The following KIDINS220 variants were observed in gnomAD, a reference collection of about 807,000 sequenced individuals.
KIDINS220 encodes the protein kinase D interacting substrate 220.
In KIDINS220, 63 loss-of-function variants were observed where a neutral mutation model predicts 157.6. The observed-to-expected ratio is 0.40, with a 90% confidence interval of 0.33 to 0.49. The LOEUF is 0.49. Among genes scored for constraint, KIDINS220 ranks in the 20% least tolerant of loss-of-function variants. The pLI is 0.66. For synonymous variants in KIDINS220, 732 were observed against 783.6 expected (o/e 0.93, Z 1.10); for missense variants, 1,772 against 2,171.2 (o/e 0.82, Z 3.65).
At chr2:8,811,980 A>G (rs1359488433) in intron 6 of KIDINS220, among the ~76,000 whole-genome samples, 1 of 152,210 alleles carries the variant, frequency 6.6e-6, no homozygotes, top group Non-Finnish European at 1.5e-5. Flanking sequence ...GGCAAGGCCC[A>G]TCTTCACCCA....
intron 17 of KIDINS220, among the ~76,000 whole-genome samples, chr2:8,780,339 T>C (rs969311233): frequency 2.6e-5 from 4 of 152,198 alleles, no homozygotes; most frequent in African/African-American, 9.7e-5. Context: ...TAAAAGTCTA[T>C]TTTATAAAAA....
At chr2:8,817,039 T>C (rs1677176514) in intron 4 of KIDINS220, among the ~76,000 whole-genome samples, 1 of 152,196 alleles carries the variant, frequency 6.6e-6, no homozygotes, top group Non-Finnish European at 1.5e-5. Flanking sequence ...CCTTCTACTG[T>C]TAAAATCAAC....
Position 8,730,591 on chromosome 2 carries a change from C to A in KIDINS220, c.*129G>T. On this transcript the variant is annotated 3_prime_UTR_variant, in exon 30 of 30. Coordinates refer to ENST00000256707, the MANE Select transcript of KIDINS220 (RefSeq NM_020738.4). ...TGTCACACTGCAGATGTCTCTTTTA[C>A]CTCGGCCTCATCATCGGTTAGTTAT... 6.9e-7 allele frequency: 1 copy of A among 1,443,254 alleles called. No homozygotes were observed. The highest frequency in any genetic ancestry group is 1.5e-5 in the South Asian group (1 of 66,098). 89.4% of individuals were successfully genotyped at this position (1,443,254 alleles called of 1,614,324 possible).
Position 8,747,171 on chromosome 2 carries a change from G to A in KIDINS220, c.3559C>T (p.Leu1187Phe). Residue 1187 changes from leucine to phenylalanine, a missense_variant, in exon 26 of 30, where the codon CTT becomes TTT. Leu to Phe is a conservative substitution (Grantham distance 22). Transcript: ENST00000256707. ...EVIKEDAAEG[L>F]SSPTDSSRGS... The stretch of plus-strand genomic sequence containing the variant: ...CTCGAGGAGTCTGTGGGTGAAGAAA[G>A]CCCCTCAGCAGCATCCTCCTTGATA... 6.2e-7 allele frequency: 1 copy of A among 1,614,136 alleles called. No individual in the cohort carries two copies. Among genetic ancestry groups the A allele is most frequent in the Non-Finnish European group, 8.5e-7 (1 of 1,180,018 alleles).
intron 6 of KIDINS220, among the ~76,000 whole-genome samples, chr2:8,809,092 C>T (rs1348039241): frequency 6.6e-6 from 1 of 152,184 alleles, no homozygotes; most frequent in Non-Finnish European, 1.5e-5. Flanking sequence ...AATCTCAGCT[C>T]ACTGCAATCT....
chr2:8,786,583 G>A (rs1170674103), intron 15 of KIDINS220, among the ~76,000 whole-genome samples: 1 of 152,042 alleles, frequency 6.6e-6, no homozygotes, highest in African/African-American at 2.4e-5. Context: ...GAAATGTGCA[G>A]GGCCATATAA....
At chr2:8,738,207 T>C (rs565450942) in intron 26 of KIDINS220, among the ~76,000 whole-genome samples, 22 of 152,284 alleles carry the variant, frequency 1.4e-4, no homozygotes, top group African/African-American at 5.1e-4. Context: ...AGTGAATTAA[T>C]TAGGAAGCAG....
intron 26 of KIDINS220, among the ~76,000 whole-genome samples, chr2:8,745,993 CT>C (rs530252729): frequency 2.4e-3 from 336 of 139,560 alleles, no homozygotes; most frequent in African/African-American, 2.4e-3. Context: ...AAACTGGGTT[CT>C]TTTTTTTTTT....
At chr2:8,742,711 G>A (rs368351221) in intron 26 of KIDINS220, among the ~76,000 whole-genome samples, 3 of 152,090 alleles carry the variant, frequency 2.0e-5, no homozygotes, top group Non-Finnish European at 4.4e-5. Flanking sequence ...TAATTCCCTC[G>A]GTGGCCTTCA....
chr2:8,832,179 A>C (rs892369767), intron 1 of KIDINS220, among the ~76,000 whole-genome samples: 3 of 152,208 alleles, frequency 2.0e-5, no homozygotes, highest in African/African-American at 7.2e-5. Flanking sequence ...CCTGTTACAG[A>C]GACCCCCAAC....
chr2:8,769,295 A>AT (rs1035768265), intron 22 of KIDINS220, among the ~76,000 whole-genome samples: 56 of 152,300 alleles, frequency 3.7e-4, no homozygotes, highest in African/African-American at 1.2e-3. Flanking sequence ...AAGTTTACAA[A>AT]TTTCTTGAAA....
chr2:8,832,408 G>C (rs755814331), intron 1 of KIDINS220, among the ~76,000 whole-genome samples: 5 of 152,194 alleles, frequency 3.3e-5, no homozygotes, highest in Admixed American at 1.3e-4. Flanking sequence ...ATCCACATCT[G>C]TTGATACACA....
rs958614027 is a variant in KIDINS220 at position 8,729,088 on chromosome 2, A to G, written c.*1632T>C. 1.0e-6 allele frequency: 1 copy of G among 983,616 alleles called. No individual in the cohort carries two copies. The highest frequency in any genetic ancestry group is 1.2e-6 in the Non-Finnish European group (1 of 827,852). The allele number at this position is 983,616 out of a possible 1,614,324, so 60.9% of individuals were successfully genotyped here. ...CTCTGAAATAATTCCTAATTATACA[A>G]TTTTGCAAATAAGCACTATAAATGT... On this transcript the variant is annotated 3_prime_UTR_variant, in exon 30 of 30. Transcript: ENST00000256707.
At chr2:8,748,074 A>C in intron 24 of KIDINS220, 74 bp from the exon 25 acceptor site, 1 of 820,044 alleles carries the variant, frequency 1.2e-6, no homozygotes, top group Non-Finnish European at 1.8e-6. Flanking sequence ...TTTCAAATGA[A>C]ACCAATAAGA....
chr2:8,785,604 T>C (rs1339746052), intron 17 of KIDINS220, 137 bp downstream of exon 17: 15 of 786,060 alleles, frequency 1.9e-5, no homozygotes, highest in Non-Finnish European at 2.8e-5. Context: ...AATGAACGAA[T>C]GAATGAATGA....
intron 19 of KIDINS220, 72 bp downstream of exon 19, chr2:8,778,824 A>C: frequency 4.4e-6 from 7 of 1,600,736 alleles, no homozygotes; most frequent in Non-Finnish European, 6.0e-6. Context: ...TTTCAAGGTA[A>C]AAAGGAGAGT....
At chr2:8,770,145 TG>T (rs775907476) in intron 22 of KIDINS220, among the ~76,000 whole-genome samples, 22 of 152,196 alleles carry the variant, frequency 1.4e-4, no homozygotes, top group Non-Finnish European at 2.4e-4. Flanking sequence ...GTTTCACGCC[TG>T]TAATCCCAGC....
At chr2:8,736,519 A>T (rs1012789871) in intron 27 of KIDINS220, among the ~76,000 whole-genome samples, 4 of 152,226 alleles carry the variant, frequency 2.6e-5, no homozygotes, top group Non-Finnish European at 5.9e-5. Flanking sequence ...AAAAAAATGT[A>T]ACACAAAGGT....
chr2:8,726,189 C>A (rs757915319), downstream of KIDINS220, among the ~76,000 whole-genome samples: 13 of 152,114 alleles, frequency 8.5e-5, no homozygotes, highest in African/African-American at 3.1e-4. Flanking sequence ...CTTATACATT[C>A]TTTCTTTTTC....
Sources: allele counts gnomAD v4.1 joint callset (sites outside exome capture counted in the v4.1 genomes callset), GRCh38; gene constraint gnomAD v4.1.1; transcripts MANE v1.5; gene names NCBI Gene and HGNC (gene_info 2026-07-23, HGNC 2026-07-21).